Variants in COP1 observed in about 807,000 individuals in gnomAD.
COP1 encodes COP1 E3 ubiquitin ligase.
A neutral mutation model predicts 101.3 loss-of-function variants in COP1; 24 were observed. That is an observed-to-expected ratio of 0.24 (90% CI 0.17 to 0.33). The LOEUF is 0.33. Among genes scored for constraint, COP1 ranks in the 10% least tolerant of loss-of-function variants. COP1 has a pLI of 1.00. For missense variants in COP1, 663 were observed against 906.2 expected (o/e 0.73, Z 3.45); for synonymous variants, 347 against 341.9 (o/e 1.01, Z -0.17).
intron 6 of COP1, among the ~76,000 whole-genome samples, chr1:176,137,566 C>G (rs1279016437): frequency 6.6e-6 from 1 of 152,004 alleles, no homozygotes; most frequent in Non-Finnish European, 1.5e-5. Flanking sequence ...TACTGATTGC[C>G]AGATGTGAAA....
At chr1:176,116,817 T>C in intron 8 of COP1, 136 bp from the exon 9 acceptor site, 1 of 647,726 alleles carries the variant, frequency 1.5e-6, no homozygotes, top group Non-Finnish European at 2.7e-6. Context: ...TTGCCAATCA[T>C]TAGACATCAA....
chr1:176,206,965 C>G lies in COP1; in HGVS notation c.14G>C (p.Arg5Pro), dbSNP rs781271985. 9.2e-6 allele frequency: 13 copies of G among 1,419,566 alleles called. No individual in the cohort carries two copies. Among genetic ancestry groups the G allele is most frequent in the Non-Finnish European group, 4.6e-6 (5 of 1,091,644 alleles). The allele number at this position is 1,419,566 out of a possible 1,614,324, so 87.9% of individuals were successfully genotyped here. The change falls in exon 1 of 20, where the codon CGC becomes CCC. Residue 5 changes from arginine to proline, a missense_variant. Coordinates refer to ENST00000367669, the MANE Select transcript of COP1 (RefSeq NM_022457.7). The stretch of plus-strand genomic sequence containing the variant: ...CCCAGCGGAGCCCGACCCGGCCTGG[C>G]GGCTACCAGACATCGTGACTCCCTC... Reference protein sequence around the residue: MSGSRQAGSGSAGTS... With the variant: MSGSPQAGSGSAGTS...
At chr1:176,135,124 A>G in intron 7 of COP1, 38 bp from the exon 8 acceptor site, 1 of 1,324,864 alleles carries the variant, frequency 7.5e-7, no homozygotes, top group Non-Finnish European at 1.1e-6. Flanking sequence ...TAGATATTTC[A>G]AATAGAAGAT....
At chr1:176,025,390 T>C (rs530405097) in intron 15 of COP1, among the ~76,000 whole-genome samples, 79 of 144,382 alleles carry the variant, frequency 5.5e-4, no homozygotes, top group African/African-American at 2.0e-3. Flanking sequence ...AGACTTAATG[T>C]AAAAAATTTA....
chr1:176,153,506 T>A (rs1692951240), intron 5 of COP1, among the ~76,000 whole-genome samples: 1 of 152,226 alleles, frequency 6.6e-6, no homozygotes, highest in Non-Finnish European at 1.5e-5. Context: ...TATGGGATTT[T>A]CTAGGTATAG....
intron 1 of COP1, among the ~76,000 whole-genome samples, chr1:176,189,749 A>G (rs1441014982): frequency 6.6e-6 from 1 of 152,030 alleles, no homozygotes; most frequent in African/African-American, 2.4e-5. Flanking sequence ...AAAAAGAAAC[A>G]TAATACTGTC....
chr1:176,157,665 T>G (rs1179383047), intron 5 of COP1, among the ~76,000 whole-genome samples: 1 of 152,196 alleles, frequency 6.6e-6, no homozygotes, highest in Non-Finnish European at 1.5e-5. Context: ...TCCAAGTAAC[T>G]TAACTACATG....
At chr1:176,055,584 T>G (rs951566703) in intron 11 of COP1, among the ~76,000 whole-genome samples, 1 of 152,194 alleles carries the variant, frequency 6.6e-6, no homozygotes, top group African/African-American at 2.4e-5. Context: ...TATCAAGTGT[T>G]TGTCTCCCAA....
chr1:176,095,246 C>T (rs969489743), intron 9 of COP1, among the ~76,000 whole-genome samples: 3 of 152,154 alleles, frequency 2.0e-5, no homozygotes, highest in Non-Finnish European at 4.4e-5. Flanking sequence ...GATTTAATGA[C>T]TAGCTTTAAA....
intron 8 of COP1, among the ~76,000 whole-genome samples, chr1:176,127,615 A>ATATATGTGTGTGTG (rs1688237110): frequency 6.7e-6 from 1 of 149,626 alleles, no homozygotes; most frequent in African/African-American, 2.5e-5. Flanking sequence ...GTGTGTGTGT[A>ATATATGTGTGTGTG]TATATATATA....
chr1:176,106,151 A>G (rs926018201), intron 9 of COP1, among the ~76,000 whole-genome samples: 7 of 151,946 alleles, frequency 4.6e-5, no homozygotes, highest in Admixed American at 3.9e-4. Context: ...CTGCCTCAGC[A>G]TCCTGAGTAG....
At chr1:176,157,319 T>C (rs1693627526) in intron 5 of COP1, among the ~76,000 whole-genome samples, 1 of 152,226 alleles carries the variant, frequency 6.6e-6, no homozygotes, top group Non-Finnish European at 1.5e-5. Flanking sequence ...AAACAGATTA[T>C]GCTGAGCTAC....
At chr1:176,116,217 C>T (rs572956436) in intron 9 of COP1, among the ~76,000 whole-genome samples, 88 of 151,898 alleles carry the variant, frequency 5.8e-4, no homozygotes, top group South Asian at 6.2e-4. Context: ...TCTAGATCTA[C>T]AGTAAGTACA....
chr1:175,963,389 T>A (rs1195681213), intron 18 of COP1, among the ~76,000 whole-genome samples: 3 of 152,174 alleles, frequency 2.0e-5, no homozygotes, highest in Non-Finnish European at 4.4e-5. Flanking sequence ...CTTTCCCTCA[T>A]CTGCGCCTTT....
chr1:176,063,423 T>C (rs979409219), intron 11 of COP1, among the ~76,000 whole-genome samples: 3 of 152,244 alleles, frequency 2.0e-5, no homozygotes, highest in African/African-American at 7.2e-5. Flanking sequence ...TTATGCTTTA[T>C]TGTATATAAA....
intron 17 of COP1, among the ~76,000 whole-genome samples, chr1:175,987,351 A>C (rs1410143271): frequency 1.3e-5 from 2 of 152,208 alleles, no homozygotes; most frequent in Non-Finnish European, 2.9e-5. Flanking sequence ...TCTAAGGCTA[A>C]AATTACCCTA....
intron 11 of COP1, among the ~76,000 whole-genome samples, chr1:176,078,807 A>T (rs980173299): frequency 1.3e-5 from 2 of 152,094 alleles, no homozygotes; most frequent in African/African-American, 4.8e-5. Context: ...ACCTGTGAAA[A>T]ACAAAAAAAT....
At chr1:176,167,837 TAAGG>T (rs1695368043) in intron 3 of COP1, among the ~76,000 whole-genome samples, 1 of 152,088 alleles carries the variant, frequency 6.6e-6, no homozygotes, top group South Asian at 2.1e-4. Flanking sequence ...TTTCCTCACC[TAAGG>T]AATGAGGATG....
intron 18 of COP1, among the ~76,000 whole-genome samples, chr1:175,954,312 A>G (rs1171795854): frequency 6.6e-6 from 1 of 152,188 alleles, no homozygotes; most frequent in African/African-American, 2.4e-5. Context: ...AATACTTATT[A>G]GTAAAGCAGG....
Sources: allele counts gnomAD v4.1 joint callset (sites outside exome capture counted in the v4.1 genomes callset), GRCh38; gene constraint gnomAD v4.1.1; transcripts MANE v1.5; gene names NCBI Gene and HGNC (gene_info 2026-07-23, HGNC 2026-07-21).